Variants in KCNIP4 observed in about 807,000 individuals in gnomAD.
KCNIP4 encodes potassium voltage-gated channel interacting protein 4.
Under a neutral mutation model 34.0 loss-of-function variants are expected in KCNIP4, and 12 were observed. The ratio of observed to expected loss-of-function variants is 0.35; its 90% CI spans 0.23 to 0.57. The LOEUF is 0.57. Ranked by LOEUF, KCNIP4 falls within the 20% of genes least tolerant of loss-of-function variation. The pLI is 0.83. For synonymous variants in KCNIP4, 124 were observed against 102.2 expected (o/e 1.21, Z -1.29); for missense variants, 238 against 311.7 (o/e 0.76, Z 1.78).
At chr4:20,984,269 C>T (rs1736371827) in intron 1 of KCNIP4, among the ~76,000 whole-genome samples, 1 of 152,242 alleles carries the variant, frequency 6.6e-6, no homozygotes. Context: ...TTTGCAGTGT[C>T]CGTGGCGAGA....
chr4:21,434,119 A>T (rs908831687), intron 1 of KCNIP4, among the ~76,000 whole-genome samples: 1 of 152,200 alleles, frequency 6.6e-6, no homozygotes, highest in African/African-American at 2.4e-5. Context: ...TCAAACCCAG[A>T]TGCTGCTATT....
chr4:21,083,410 A>C (rs1019406005), intron 1 of KCNIP4, among the ~76,000 whole-genome samples: 3 of 151,742 alleles, frequency 2.0e-5, no homozygotes, highest in African/African-American at 7.3e-5. Context: ...ATGTATTTGC[A>C]CACCTGATGA....
At chr4:21,399,102 C>T (rs1283640667) in intron 1 of KCNIP4, among the ~76,000 whole-genome samples, 2 of 152,194 alleles carry the variant, frequency 1.3e-5, no homozygotes, top group African/African-American at 2.4e-5. Flanking sequence ...TTCCTTCTCA[C>T]GTTAGCACCT....
At chr4:21,361,706 T>C (rs758313085) in intron 1 of KCNIP4, among the ~76,000 whole-genome samples, 3 of 151,328 alleles carry the variant, frequency 2.0e-5, no homozygotes, top group Non-Finnish European at 4.4e-5. Flanking sequence ...TTTTTTCCCA[T>C]AGCAACTAAA....
intron 1 of KCNIP4, among the ~76,000 whole-genome samples, chr4:21,287,948 T>G (rs1763219345): frequency 6.6e-6 from 1 of 152,224 alleles, no homozygotes; most frequent in Admixed American, 6.5e-5. Flanking sequence ...ATGATTTGCC[T>G]GATTCTTATT....
intron 1 of KCNIP4, among the ~76,000 whole-genome samples, chr4:21,392,404 T>C (rs1053366896): frequency 6.6e-6 from 1 of 152,220 alleles, no homozygotes; most frequent in South Asian, 2.1e-4. Flanking sequence ...TAGTAAACTA[T>C]AAAGATTCTG....
At chr4:21,602,463 A>G (rs1743262741) in intron 1 of KCNIP4, among the ~76,000 whole-genome samples, 1 of 151,996 alleles carries the variant, frequency 6.6e-6, no homozygotes. Flanking sequence ...ATGTGAGAAC[A>G]GTGATGATCA....
intron 1 of KCNIP4, among the ~76,000 whole-genome samples, chr4:21,812,128 A>T (rs577315844): frequency 6.6e-6 from 1 of 152,332 alleles, no homozygotes; most frequent in African/African-American, 2.4e-5. Flanking sequence ...AGAAAATAAA[A>T]ATTAACGCAT....
At chr4:21,915,143 C>G (rs1036476151) in intron 1 of KCNIP4, among the ~76,000 whole-genome samples, 28 of 152,252 alleles carry the variant, frequency 1.8e-4, no homozygotes, top group African/African-American at 6.5e-4. Context: ...GCTGTAACTA[C>G]TCAACTCTGC....
intron 1 of KCNIP4, among the ~76,000 whole-genome samples, chr4:21,085,669 G>A (rs955650948): frequency 6.6e-6 from 1 of 152,134 alleles, no homozygotes; most frequent in African/African-American, 2.4e-5. Flanking sequence ...CTGAGACAAG[G>A]AATTTCATAT....
At chr4:21,312,368 T>A (rs960919972) in intron 1 of KCNIP4, among the ~76,000 whole-genome samples, 21 of 152,112 alleles carry the variant, frequency 1.4e-4, no homozygotes, top group African/African-American at 4.3e-4. Flanking sequence ...ATTTCATAGG[T>A]CTTAGGTAGA....
intron 1 of KCNIP4, among the ~76,000 whole-genome samples, chr4:21,400,467 C>T (rs112784879): frequency 1.5e-4 from 17 of 115,862 alleles, no homozygotes; most frequent in South Asian, 5.8e-4. Context: ...TCTTTCTGTT[C>T]CTCTCCTCTC....
At chr4:21,036,017 G>A (rs1741414805) in intron 1 of KCNIP4, among the ~76,000 whole-genome samples, 1 of 152,144 alleles carries the variant, frequency 6.6e-6, no homozygotes, top group Admixed American at 6.5e-5. Flanking sequence ...CCTTTCTGCA[G>A]GATCACTCTG....
At chr4:21,108,794 G>A (rs928751299) in intron 1 of KCNIP4, among the ~76,000 whole-genome samples, 12 of 152,056 alleles carry the variant, frequency 7.9e-5, no homozygotes, top group Non-Finnish European at 1.2e-4. Flanking sequence ...TGTCCTTTCT[G>A]TTTGTTGGTT....
At chr4:20,862,481 G>A (rs951436579) in intron 2 of KCNIP4, among the ~76,000 whole-genome samples, 9 of 152,210 alleles carry the variant, frequency 5.9e-5, no homozygotes, top group African/African-American at 2.2e-4. Flanking sequence ...ATACTAGTCA[G>A]GAAAGGCAAA....
chr4:21,607,968 C>T (rs1001538515), intron 1 of KCNIP4, among the ~76,000 whole-genome samples: 9 of 152,178 alleles, frequency 5.9e-5, no homozygotes, highest in African/African-American at 1.7e-4. Context: ...CAGTTGTATA[C>T]AGACGTGCAA....
intron 3 of KCNIP4, among the ~76,000 whole-genome samples, chr4:20,812,641 G>T (rs1348459344): frequency 6.6e-6 from 1 of 152,140 alleles, no homozygotes; most frequent in Non-Finnish European, 1.5e-5. Flanking sequence ...ATTGGAGTTC[G>T]GTTTGGGGAT....
chr4:21,503,153 G>T (rs1733504484), intron 1 of KCNIP4, among the ~76,000 whole-genome samples: 1 of 151,984 alleles, frequency 6.6e-6, no homozygotes, highest in African/African-American at 2.4e-5. Flanking sequence ...ACATTTGATG[G>T]GGAATAATTA....
chr4:21,370,443 G>T (rs1720226986), intron 1 of KCNIP4, among the ~76,000 whole-genome samples: 1 of 145,962 alleles, frequency 6.9e-6, no homozygotes, highest in Non-Finnish European at 1.5e-5. Flanking sequence ...CTCTGGGAGG[G>T]AGACACCCAA....
Sources: allele counts gnomAD v4.1 joint callset (sites outside exome capture counted in the v4.1 genomes callset), GRCh38; gene constraint gnomAD v4.1.1; transcripts MANE v1.5; gene names NCBI Gene and HGNC (gene_info 2026-07-23, HGNC 2026-07-21).